The following GPNMB variants were observed in gnomAD, a reference collection of about 807,000 sequenced individuals.
The protein encoded by GPNMB is glycoprotein nmb.
Under a neutral mutation model 57.3 loss-of-function variants are expected in GPNMB, and 71 were observed. The ratio of observed to expected loss-of-function variants is 1.24; its 90% CI spans 1.02 to 1.51. GPNMB has a LOEUF of 1.51. GPNMB is among the 40% of genes most tolerant of loss of function. The pLI is 0.00. For synonymous variants in GPNMB, 253 were observed against 263.2 expected (o/e 0.96, Z 0.38); for missense variants, 677 against 691.9 (o/e 0.98, Z 0.24).
At chr7:23,273,819 C>A in intron 10 of GPNMB, 1 of 580,346 alleles carries the variant, frequency 1.7e-6, no homozygotes, top group Non-Finnish European at 3.0e-6. Context: ...TACCAGATCT[C>A]AGTAACTTTA....
At chr7:23,268,250 G>C (rs1411467986) in intron 8 of GPNMB, among the ~76,000 whole-genome samples, 1 of 152,170 alleles carries the variant, frequency 6.6e-6, no homozygotes, top group East Asian at 1.9e-4. Flanking sequence ...ACACTTAACT[G>C]AATTTTTTAA....
In GPNMB at chr7:23,274,709, A is replaced by C. The variant is rs1389599560; in HGVS notation, c.*485A>C. 6.5e-6 allele frequency: 1 copy of C among 153,236 alleles called. No individual in the cohort carries two copies. Among genetic ancestry groups the C allele is most frequent in the Admixed American group, 6.5e-5 (1 of 15,362 alleles). The allele number at this position is 153,236 out of a possible 1,614,324, so 9.5% of individuals were successfully genotyped here. On this transcript the variant is annotated 3_prime_UTR_variant, in exon 11 of 11. Transcript: ENST00000258733. ...CATGAACTCCTGATGGAACAATAAC[A>C]GGCCCAAGCCTGTGGTATGATGTGC...
chr7:23,256,453 G>T (rs1317526572), intron 3 of GPNMB, among the ~76,000 whole-genome samples: 2 of 152,244 alleles, frequency 1.3e-5, no homozygotes, highest in East Asian at 3.9e-4. Flanking sequence ...TGGTGTCAGG[G>T]CTATTTAGGA....
At chr7:23,254,603 C>G (rs1281413483) in intron 3 of GPNMB, among the ~76,000 whole-genome samples, 2 of 152,164 alleles carry the variant, frequency 1.3e-5, no homozygotes, top group African/African-American at 4.8e-5. Flanking sequence ...CAGAGAATAC[C>G]TTGCTGAGTC....
rs113612437 is a variant in GPNMB at position 23,258,793 on chromosome 7, C to T, written c.542-1187C>T. Among the ~76,000 whole-genome samples the T allele has an allele frequency of 6.5e-3, 988 of 152,346 alleles. 11 individuals carry two copies. Among genetic ancestry groups the T allele is most frequent in the African/African-American group, 0.022 (932 of 41,576 alleles). On this transcript the variant is annotated intron_variant, in intron 4 of 10. Transcript: ENST00000258733. ...TTCTGATGGAACTACCCCTGCATCT[C>T]AACGTGAAGGAGGATTCCAAACCAC...
At chr7:23,269,204 G>T (rs547606001) in intron 8 of GPNMB, among the ~76,000 whole-genome samples, 1 of 152,060 alleles carries the variant, frequency 6.6e-6, no homozygotes, top group African/African-American at 2.4e-5. Flanking sequence ...TGGCCAACAT[G>T]GTGAAACCCC....
At chr7:23,272,896 T>C (rs1041864840) in intron 9 of GPNMB, among the ~76,000 whole-genome samples, 2 of 150,314 alleles carry the variant, frequency 1.3e-5, no homozygotes, top group Non-Finnish European at 2.9e-5. Context: ...CAGGCTGCAG[T>C]GCAGTAGGGT....
intron 6 of GPNMB, 154 bp from the exon 7 acceptor site, chr7:23,266,363 C>T: frequency 1.5e-6 from 1 of 667,938 alleles, no homozygotes; most frequent in South Asian, 2.0e-5. Context: ...AATTATGACA[C>T]ATTTAGTTCA....
intron 9 of GPNMB, among the ~76,000 whole-genome samples, chr7:23,271,372 G>C (rs1408551076): frequency 6.6e-6 from 1 of 152,204 alleles, no homozygotes; most frequent in Non-Finnish European, 1.5e-5. Context: ...TCCTTAATTG[G>C]AGTATTGTCA....
intron 8 of GPNMB, among the ~76,000 whole-genome samples, chr7:23,268,771 A>G (rs1783129074): frequency 6.6e-6 from 1 of 152,180 alleles, no homozygotes; most frequent in Admixed American, 6.5e-5. Context: ...AATGAGGGTG[A>G]GGGTGGCAGA....
chr7:23,268,742 A>G (rs1408967295), intron 8 of GPNMB, among the ~76,000 whole-genome samples: 1 of 152,122 alleles, frequency 6.6e-6, no homozygotes, highest in Non-Finnish European at 1.5e-5. Flanking sequence ...GAAGCTCTCC[A>G]CCTTGGGGAG....
chr7:23,248,495 GA>G (rs1562630190), intron 1 of GPNMB, among the ~76,000 whole-genome samples: 1 of 152,022 alleles, frequency 6.6e-6, no homozygotes, highest in African/African-American at 2.4e-5. Flanking sequence ...ATTCTGCCCA[GA>G]AAAAAATAAG....
intron 1 of GPNMB, chr7:23,250,637 C>CCAA (rs1782640266): frequency 6.6e-6 from 1 of 152,046 alleles, no homozygotes. Flanking sequence ...ATTCCATTGA[C>CCAA]CTATGTGCCT....
rs147383182 is a variant in GPNMB, at chr7:23,260,496, T to C, written c.741T>C (p.Asp247=). The C allele has an allele frequency of 2.3e-5, 37 of 1,613,952 alleles. No individual in the cohort carries two copies. The African/African-American group carries it at 4.7e-4, about 20-fold the overall frequency. Residue 247 remains aspartate, a synonymous_variant, in exon 6 of 11, where the codon GAT becomes GAC. Coordinates refer to ENST00000258733, the MANE Select transcript of GPNMB (RefSeq NM_002510.3). ...TTGTGACTATGTTCCAGAAGAACGA[T>C]CGAAATTCATCCGACGAAACCTTCC... ...PVFVTMFQKN[D]RNSSDETFLK...
At chr7:23,253,234 A>G (rs1488772484) in intron 1 of GPNMB, 73 bp from the exon 2 acceptor site, 6 of 1,318,892 alleles carry the variant, frequency 4.5e-6, no homozygotes, top group Non-Finnish European at 6.4e-6. Context: ...ACAGTAAGAA[A>G]TAAAAAGTTT....
In GPNMB at chr7:23,274,208, T is replaced by G; in HGVS notation, c.1667T>G (p.Phe556Cys). The part of the protein sequence containing the change: ...EKDPLLKNQE[F>C]KGVS The stretch of plus-strand genomic sequence containing the variant: ...GATCCGCTACTCAAAAACCAAGAAT[T>G]TAAAGGAGTTTCTTAAATTTCGACC... The change falls in exon 11 of 11, where the codon TTT becomes TGT. Residue 556 changes from phenylalanine (F) to cysteine (C), a missense_variant. Coordinates refer to ENST00000258733, the MANE Select transcript of GPNMB (RefSeq NM_002510.3). The G allele has an allele frequency of 6.2e-7, 1 of 1,613,210 alleles. No homozygotes were observed. Among genetic ancestry groups the G allele is most frequent in the Non-Finnish European group, 8.5e-7 (1 of 1,179,686 alleles).
At chr7:23,269,909 C>G (rs969605624) in intron 8 of GPNMB, 58 bp from the exon 9 acceptor site, 7 of 1,127,188 alleles carry the variant, frequency 6.2e-6, no homozygotes, top group Admixed American at 1.8e-5. Context: ...ATGGATCTGA[C>G]CTTCCTCTCT....
rs183193610 is a variant in GPNMB at position 23,258,811 on chromosome 7, C to T, written c.542-1169C>T. On this transcript the variant is annotated intron_variant, in intron 4 of 10. Transcript: ENST00000258733. The stretch of plus-strand genomic sequence containing the variant: ...TGCATCTCAACGTGAAGGAGGATTC[C>T]AAACCACACATCCCTGGAGAGACCA... Among the ~76,000 whole-genome samples the T allele has an allele frequency of 5.3e-5, 8 of 152,322 alleles. No homozygotes were observed. In the South Asian group the frequency reaches 6.2e-4, roughly 12 times the overall value.
intron 4 of GPNMB, among the ~76,000 whole-genome samples, chr7:23,259,604 A>AT (rs1284055427): frequency 1.3e-5 from 2 of 152,144 alleles, no homozygotes; most frequent in Non-Finnish European, 2.9e-5. Context: ...TGGATAAATA[A>AT]TTTTTTTAAC....
Sources: allele counts gnomAD v4.1 joint callset (sites outside exome capture counted in the v4.1 genomes callset), GRCh38; gene constraint gnomAD v4.1.1; transcripts MANE v1.5; gene names NCBI Gene and HGNC (gene_info 2026-07-23, HGNC 2026-07-21).